Variants in NRG3 observed in about 807,000 individuals in gnomAD.
NRG3 encodes the protein pro-neuregulin-3, membrane-bound isoform.
In NRG3, 31 loss-of-function variants were observed where a neutral mutation model predicts 66.9. That is an observed-to-expected ratio of 0.46 (90% CI 0.35 to 0.63). The LOEUF (loss-of-function observed/expected upper bound fraction) is 0.63, where lower values mean the gene tolerates loss of function less well. Ranked by LOEUF, NRG3 falls within the 20% of genes least tolerant of loss-of-function variation. The probability of loss-of-function intolerance (pLI) is 0.00; values close to 1 mark genes in which losing one functional copy is unlikely to be tolerated. For missense variants in NRG3, 910 were observed against 878.9 expected (o/e 1.04, Z -0.45); for synonymous variants, 393 against 359.4 (o/e 1.09, Z -1.06).
chr10:82,649,459 CTTTTTTTTTTTT>C (rs71469930), intron 2 of NRG3, among the ~76,000 whole-genome samples: 4 of 48,796 alleles, frequency 8.2e-5, no homozygotes, highest in South Asian at 3.1e-3. Flanking sequence ...CTGGTGCAGG[CTTTTTTTTTTTT>C]TTTTTTTTTT....
chr10:82,229,084 T>G (rs2076316893), intron 1 of NRG3: 1 of 152,234 alleles, frequency 6.6e-6, no homozygotes, highest in Non-Finnish European at 1.5e-5. Flanking sequence ...CTCTGACAAT[T>G]ACTGTTGTGC....
intron 2 of NRG3, among the ~76,000 whole-genome samples, chr10:82,730,922 A>G (rs2057868908): frequency 6.6e-6 from 1 of 152,092 alleles, no homozygotes; most frequent in Non-Finnish European, 1.5e-5. Context: ...ATTTAGACTG[A>G]GGCCTCCTTT....
chr10:81,956,909 A>G (rs527279095), intron 1 of NRG3, among the ~76,000 whole-genome samples: 209 of 152,240 alleles, frequency 1.4e-3, no homozygotes, highest in Non-Finnish European at 2.2e-3. Flanking sequence ...TACTCAAGCC[A>G]CACTAGACTC....
chr10:82,597,715 G>A (rs770564126), intron 2 of NRG3, among the ~76,000 whole-genome samples: 1 of 152,142 alleles, frequency 6.6e-6, no homozygotes, highest in Non-Finnish European at 1.5e-5. Context: ...GAGGTCATTA[G>A]ATGGAGACCA....
chr10:82,180,718 C>T (rs1235273171), intron 1 of NRG3, among the ~76,000 whole-genome samples: 1 of 151,760 alleles, frequency 6.6e-6, no homozygotes, highest in Non-Finnish European at 1.5e-5. Flanking sequence ...CTTGCAGTGT[C>T]TTTTTCTGCC....
chr10:82,573,252 C>T (rs1424643713), intron 2 of NRG3, among the ~76,000 whole-genome samples: 1 of 151,726 alleles, frequency 6.6e-6, no homozygotes, highest in African/African-American at 2.4e-5. Context: ...GCTCTTTAAA[C>T]CATTCTCTTG....
chr10:82,232,538 T>C, intron 1 of NRG3: 2 of 524,740 alleles, frequency 3.8e-6, no homozygotes, highest in Non-Finnish European at 7.0e-6. Context: ...CATTTTGCTG[T>C]CTTCTCTCAG....
At chr10:82,391,241 G>A (rs1209960488) in intron 2 of NRG3, among the ~76,000 whole-genome samples, 1 of 152,092 alleles carries the variant, frequency 6.6e-6, no homozygotes, top group African/African-American at 2.4e-5. Flanking sequence ...GTAGAGTTTT[G>A]TGAGGCTTCT....
At chr10:82,252,957 A>G (rs530000551) in intron 1 of NRG3, among the ~76,000 whole-genome samples, 2 of 152,262 alleles carry the variant, frequency 1.3e-5, no homozygotes, top group South Asian at 2.1e-4. Flanking sequence ...CGCTACTGCA[A>G]CTACAGTCAT....
intron 2 of NRG3, among the ~76,000 whole-genome samples, chr10:82,385,211 G>T (rs951507313): frequency 3.9e-5 from 6 of 152,006 alleles, no homozygotes; most frequent in African/African-American, 1.2e-4. Context: ...TTGTACGTTA[G>T]ATCTTTGTCA....
intron 1 of NRG3, among the ~76,000 whole-genome samples, chr10:82,337,070 C>A (rs1226505010): frequency 6.6e-6 from 1 of 152,112 alleles, no homozygotes; most frequent in Admixed American, 6.5e-5. Context: ...ATCTTAACTA[C>A]TGAGCCATAT....
intron 3 of NRG3, among the ~76,000 whole-genome samples, chr10:82,800,811 C>G (rs1033444553): frequency 5.9e-5 from 9 of 152,174 alleles, no homozygotes; most frequent in Non-Finnish European, 1.2e-4. Context: ...TGAATTTTCA[C>G]TTCCCTTAAG....
At chr10:82,359,074 C>T (rs993728638) in intron 2 of NRG3, among the ~76,000 whole-genome samples, 8 of 152,300 alleles carry the variant, frequency 5.3e-5, no homozygotes, top group Non-Finnish European at 8.8e-5. Flanking sequence ...AAAGTAGTTA[C>T]GGTTTAAGTT....
chr10:82,801,081 T>G (rs1443051934), intron 3 of NRG3, among the ~76,000 whole-genome samples: 14 of 152,202 alleles, frequency 9.2e-5, no homozygotes. Flanking sequence ...GCAGCAAAGA[T>G]ACTTCAAATG....
chr10:82,272,924 A>G (rs1466819843), intron 1 of NRG3, among the ~76,000 whole-genome samples: 7 of 152,008 alleles, frequency 4.6e-5, no homozygotes, highest in African/African-American at 1.7e-4. Flanking sequence ...AAGGTTATTA[A>G]TTCGTTCCAG....
rs531014344 is a variant in NRG3 at position 82,150,987 on chromosome 10, C to A, written c.824-207752C>A. Among the ~76,000 whole-genome samples, 159 of 152,232 alleles carry A rather than the reference C, an allele frequency of 1.0e-3. 1 individual carries two copies. Among genetic ancestry groups the A allele is most frequent in the African/African-American group, 3.6e-3 (151 of 41,542 alleles). ...CCTTGTTAGGAAAAAAGAAAAATGA[C>A]AAAGCAGTCATGTACAGAAAGCCTG... On this transcript the variant is annotated intron_variant, in intron 1 of 8. Transcript: ENST00000372141.
rs953692786 is a variant in NRG3 at position 82,020,397 on chromosome 10, T to G, written c.823+144234T>G. Among the ~76,000 whole-genome samples, 10 of 152,096 alleles carry G rather than the reference T, an allele frequency of 6.6e-5. No individual in the cohort carries two copies. The East Asian group carries it at 1.9e-3, about 29-fold the overall frequency. On this transcript the variant is annotated intron_variant, in intron 1 of 8. Coordinates refer to ENST00000372141, the MANE Select transcript of NRG3 (RefSeq NM_001010848.4). Reference sequence around the variant, plus strand: ...TAAGCAAACACTAGGTATAAGGAACTGTCCTAGGTTCCGGAAACACCTCAC... The same window carrying G: ...TAAGCAAACACTAGGTATAAGGAACGGTCCTAGGTTCCGGAAACACCTCAC...
chr10:82,279,433 A>T (rs950140934), intron 1 of NRG3, among the ~76,000 whole-genome samples: 3 of 152,186 alleles, frequency 2.0e-5, no homozygotes, highest in South Asian at 4.1e-4. Flanking sequence ...ATCCACATAG[A>T]CAATAAAGGC....
At chr10:81,895,523 A>G (rs1013156789) in intron 1 of NRG3, among the ~76,000 whole-genome samples, 27 of 152,196 alleles carry the variant, frequency 1.8e-4, no homozygotes, top group African/African-American at 6.5e-4. Flanking sequence ...ATCTGATGCT[A>G]TTACCATCTT....
Sources: allele counts gnomAD v4.1 joint callset (sites outside exome capture counted in the v4.1 genomes callset), GRCh38; gene constraint gnomAD v4.1.1; transcripts MANE v1.5; gene names NCBI Gene and HGNC (gene_info 2026-07-23, HGNC 2026-07-21).